Variants in MBNL2 observed in about 807,000 individuals in gnomAD.
MBNL2 encodes the protein muscleblind like splicing regulator 2, also known as muscleblind-like protein 2.
MBNL2 carries 17 observed loss-of-function variants against 41.9 expected under a neutral mutation model. The ratio of observed to expected loss-of-function variants is 0.41; its 90% CI spans 0.28 to 0.61. MBNL2 has a LOEUF of 0.61. Among genes scored for constraint, MBNL2 ranks in the 20% least tolerant of loss-of-function variants. The probability of loss-of-function intolerance (pLI) is 0.35; values close to 1 mark genes in which losing one functional copy is unlikely to be tolerated. For synonymous variants in MBNL2, 195 were observed against 182.9 expected (o/e 1.07, Z -0.53); for missense variants, 336 against 505.6 (o/e 0.66, Z 3.22).
chr13:97,234,670 C>A (rs1205038232), intron 1 of MBNL2, among the ~76,000 whole-genome samples: 1 of 152,186 alleles, frequency 6.6e-6, no homozygotes, highest in East Asian at 1.9e-4. Flanking sequence ...CCCACAAGGA[C>A]AATAGACTGA....
At chr13:97,271,488 C>T (rs1020323142) in intron 1 of MBNL2, among the ~76,000 whole-genome samples, 1 of 151,988 alleles carries the variant, frequency 6.6e-6, no homozygotes, top group African/African-American at 2.4e-5. Context: ...AAACAGGATA[C>T]ATGTGCAGAA....
intron 7 of MBNL2, among the ~76,000 whole-genome samples, chr13:97,360,423 T>C (rs998178626): frequency 1.3e-5 from 2 of 152,202 alleles, no homozygotes; most frequent in African/African-American, 2.4e-5. Flanking sequence ...TCTTTTTTTT[T>C]CTTTTTTCAT....
intron 5 of MBNL2, among the ~76,000 whole-genome samples, chr13:97,352,413 A>T (rs1422912828): frequency 6.6e-6 from 1 of 152,142 alleles, no homozygotes; most frequent in Non-Finnish European, 1.5e-5. Context: ...GCCTAATTTC[A>T]ATATAATTTT....
intron 2 of MBNL2, among the ~76,000 whole-genome samples, chr13:97,324,124 A>T (rs1348894417): frequency 6.6e-6 from 1 of 152,138 alleles, no homozygotes; most frequent in Non-Finnish European, 1.5e-5. Context: ...AGATAATCTG[A>T]TAAATATCTT....
intron 2 of MBNL2, among the ~76,000 whole-genome samples, chr13:97,285,473 C>T (rs1410250251): frequency 6.6e-6 from 1 of 152,222 alleles, no homozygotes; most frequent in Non-Finnish European, 1.5e-5. Flanking sequence ...CAGCAATAGA[C>T]AGCTGTTGCC....
the MBNL2 span, among the ~76,000 whole-genome samples, chr13:97,154,313 T>G: frequency 1.3e-5 from 2 of 152,088 alleles, no homozygotes; most frequent in African/African-American, 4.8e-5. Flanking sequence ...TGGTTTTTTG[T>G]TTTTTGTTTT....
At chr13:97,171,398 A>G in the MBNL2 span, among the ~76,000 whole-genome samples, 2 of 152,144 alleles carry the variant, frequency 1.3e-5, no homozygotes, top group African/African-American at 2.4e-5. Context: ...GGCAACTACT[A>G]TATTATATTG....
At chr13:97,376,079 T>G (rs2064941658) in intron 8 of MBNL2, among the ~76,000 whole-genome samples, 1 of 152,160 alleles carries the variant, frequency 6.6e-6, no homozygotes, top group Non-Finnish European at 1.5e-5. Context: ...GGTAGAGGTG[T>G]GCAGGGACAG....
intron 2 of MBNL2, among the ~76,000 whole-genome samples, chr13:97,285,932 ATCT>A (rs971797199): frequency 6.6e-6 from 1 of 152,124 alleles, no homozygotes; most frequent in African/African-American, 2.4e-5. Context: ...GTCCTTGAAC[ATCT>A]TCTCTACACA....
At position 97,366,778 on chromosome 13, in the gene MBNL2, C is replaced by A; in HGVS notation, c.1048+1607C>A. On this transcript the variant is annotated intron_variant, in intron 8 of 8. Coordinates refer to ENST00000679496, the MANE Select transcript of MBNL2 (RefSeq NM_001382683.1). The surrounding 1 kb of genome is among the most constrained non-coding windows in gnomAD (Gnocchi z 4.7). ...TGTTTTGTGTTGCACTGTTTGTTTT[C>A]GTACCTAATATTGTGTAATTAACCT... The A allele has an allele frequency of 5.0e-6, 3 of 605,516 alleles. No individual in the cohort carries two copies. Among genetic ancestry groups the A allele is most frequent in the Non-Finnish European group, 8.8e-6 (3 of 340,528 alleles). The allele number at this position is 605,516 out of a possible 1,614,324, so 37.5% of individuals were successfully genotyped here. A position where few individuals can be genotyped will look rare whatever the true frequency, so the allele number is the denominator to read the frequency against.
At chr13:97,260,540 G>C (rs577361700) in intron 1 of MBNL2, among the ~76,000 whole-genome samples, 1 of 152,342 alleles carries the variant, frequency 6.6e-6, no homozygotes, top group South Asian at 2.1e-4. Flanking sequence ...CTGGCTCCAA[G>C]GCAGGGGCCA....
intron 1 of MBNL2, among the ~76,000 whole-genome samples, chr13:97,239,307 C>T (rs1311415236): frequency 6.6e-6 from 1 of 152,174 alleles, no homozygotes; most frequent in African/African-American, 2.4e-5. Context: ...TTTTTAATGT[C>T]TCCTTATAGT....
In MBNL2 at chr13:97,251,417, GA is replaced by G. The variant is rs200360133; in HGVS notation, c.-604-24210del. Among the ~76,000 whole-genome samples, 977 of 151,952 alleles carry G rather than the reference GA, an allele frequency of 6.4e-3. 10 individuals are homozygous for G. The highest frequency in any genetic ancestry group is 0.059 in the South Asian group (281 of 4,792). ...GTACCCACAAAAATTAAAAACTAAA[GA>G]AAAAGACATAGCTGATACACTTTCT... is the stretch of plus-strand genomic sequence containing the variant. On this transcript the variant is annotated intron_variant, in intron 1 of 8. Transcript: ENST00000679496.
chr13:97,325,469 G>T (rs906073067), intron 2 of MBNL2, among the ~76,000 whole-genome samples: 1 of 152,148 alleles, frequency 6.6e-6, no homozygotes, highest in Non-Finnish European at 1.5e-5. Context: ...AGTGGCTCAC[G>T]CCTGTAATCC....
chr13:97,178,323 G>A, the MBNL2 span, among the ~76,000 whole-genome samples: 1 of 152,132 alleles, frequency 6.6e-6, no homozygotes. Context: ...CTATGAGACA[G>A]TATGTGGAAT....
intron 2 of MBNL2, among the ~76,000 whole-genome samples, chr13:97,324,495 A>G (rs2059757351): frequency 6.6e-6 from 1 of 152,304 alleles, no homozygotes; most frequent in Middle Eastern, 3.4e-3. Flanking sequence ...ACATTAATGA[A>G]TGTGGTATCA....
intron 1 of MBNL2, among the ~76,000 whole-genome samples, chr13:97,262,858 G>A (rs1484613302): frequency 6.6e-6 from 1 of 152,022 alleles, no homozygotes; most frequent in African/African-American, 2.4e-5. Context: ...CTGCCTCCTG[G>A]GTTCAAGCAA....
intron 7 of MBNL2, among the ~76,000 whole-genome samples, chr13:97,358,996 G>GT (rs796533514): frequency 1.3e-5 from 2 of 152,006 alleles, no homozygotes; most frequent in Non-Finnish European, 2.9e-5. Flanking sequence ...GGTTTTCAGT[G>GT]TTTTTTTCTT....
At chr13:97,369,843 ATTAT>A (rs1377318166) in intron 8 of MBNL2, among the ~76,000 whole-genome samples, 1 of 152,332 alleles carries the variant, frequency 6.6e-6, no homozygotes, top group South Asian at 2.1e-4. Flanking sequence ...ATGTTTTTTG[ATTAT>A]TTAGCTTTGG....
Sources: allele counts gnomAD v4.1 joint callset (sites outside exome capture counted in the v4.1 genomes callset), GRCh38; gene constraint gnomAD v4.1.1; non-coding constraint Gnocchi (gnomAD v3.1); transcripts MANE v1.5; gene names NCBI Gene and HGNC (gene_info 2026-07-23, HGNC 2026-07-21).